TACC2: variants seen among roughly 807,000 people sequenced by gnomAD.
TACC2 encodes transforming acidic coiled-coil containing protein 2.
Under a neutral mutation model 227.3 loss-of-function variants are expected in TACC2, and 137 were observed. The observed-to-expected ratio is 0.60, with a 90% confidence interval of 0.52 to 0.69. TACC2 has a LOEUF of 0.69. Among genes scored for constraint, TACC2 ranks in the 30% least tolerant of loss-of-function variants. The probability of loss-of-function intolerance (pLI) is 0.00; values close to 1 mark genes in which losing one functional copy is unlikely to be tolerated. For synonymous variants in TACC2, 1,523 were observed against 1,487.5 expected (o/e 1.02, Z -0.55); for missense variants, 3,470 against 3,694.4 (o/e 0.94, Z 1.57).
At chr10:122,179,933 A>T (rs532222933) in intron 7 of TACC2, among the ~76,000 whole-genome samples, 2 of 151,862 alleles carry the variant, frequency 1.3e-5, no homozygotes, top group South Asian at 4.1e-4. Context: ...TAAAAAAAAA[A>T]TATAGCCGGG....
Position 122,221,279 on chromosome 10 carries a change from C to T in TACC2, c.7547-3447C>T, listed in dbSNP as rs75681855. On this transcript the variant is annotated intron_variant, in intron 11 of 22. Coordinates refer to ENST00000369005, the MANE Select transcript of TACC2 (RefSeq NM_206862.4). ...CCTTTTTTGGTGCAGTCTTTTAAAGCGTGATGCAGTGGGAGAAAACTTAAC... is the reference window on the plus strand; with the variant it reads ...CCTTTTTTGGTGCAGTCTTTTAAAGTGTGATGCAGTGGGAGAAAACTTAAC... Among the ~76,000 whole-genome samples the T allele has an allele frequency of 9.6e-3, 1,463 of 152,258 alleles. 16 individuals carry two copies. Among genetic ancestry groups the T allele is most frequent in the African/African-American group, 0.034 (1,398 of 41,540 alleles).
At chr10:122,041,824 C>A (rs936838273) in intron 2 of TACC2, among the ~76,000 whole-genome samples, 1 of 152,260 alleles carries the variant, frequency 6.6e-6, no homozygotes, top group African/African-American at 2.4e-5. Flanking sequence ...CCCGGAGGGT[C>A]GGTGCTAGTT....
rs189083842 is a variant in TACC2, at chr10:122,009,911, T to C, written c.-45-12026T>C. Among the ~76,000 whole-genome samples, 201 of 152,136 alleles carry C rather than the reference T, an allele frequency of 1.3e-3. 3 individuals are homozygous for C. The East Asian group carries it at 0.014, about 11-fold the overall frequency. On this transcript the variant is annotated intron_variant, in intron 1 of 22. Coordinates refer to ENST00000369005, the MANE Select transcript of TACC2 (RefSeq NM_206862.4). ...ACTGCACTCCAGCCTGGTGACAGAG[T>C]GAGACTCTGTTTTCAATAAGGTTGC...
intron 5 of TACC2, among the ~76,000 whole-genome samples, chr10:122,111,906 C>A (rs2083678634): frequency 6.7e-6 from 1 of 149,028 alleles, no homozygotes; most frequent in African/African-American, 2.4e-5. Context: ...ACGAGGAAAC[C>A]TGTGATAAGC....
At chr10:122,212,382 C>T (rs1226851235) in intron 9 of TACC2, among the ~76,000 whole-genome samples, 2 of 152,224 alleles carry the variant, frequency 1.3e-5, no homozygotes, top group South Asian at 2.1e-4. Flanking sequence ...GCCATTGGTC[C>T]TTGGCTCTAT....
intron 3 of TACC2, among the ~76,000 whole-genome samples, chr10:122,058,061 C>T (rs867552139): frequency 1.3e-5 from 2 of 152,222 alleles, no homozygotes; most frequent in South Asian, 4.1e-4. Flanking sequence ...CAAGAGACCA[C>T]CCACCATGGA....
chr10:122,122,677 A>G (rs2138474282), intron 5 of TACC2, among the ~76,000 whole-genome samples: 1 of 151,972 alleles, frequency 6.6e-6, no homozygotes, highest in East Asian at 2.0e-4. Flanking sequence ...ATGCTGTGGG[A>G]TTTCCTGGCT....
At position 122,086,438 on chromosome 10, in the gene TACC2, G is replaced by A. The variant is rs578136211; in HGVS notation, c.3938G>A (p.Ser1313Asn). ...CCTGCAGTGCAAGCCAGCAGTGGTAGTCCCAAAGCCAGAACCACTGAGGGA... is the reference window on the plus strand; with the variant it reads ...CCTGCAGTGCAAGCCAGCAGTGGTAATCCCAAAGCCAGAACCACTGAGGGA... ...EIPAVQASSG[S>N]PKARTTEGPV... Residue 1313 changes from serine (S) to asparagine (N), a missense_variant, in exon 4 of 23, where the codon AGT (serine) becomes AAT (asparagine). Physicochemically the swap from Ser to Asn is conservative, Grantham distance 46. Transcript: ENST00000369005. 6.2e-6 allele frequency: 10 copies of A among 1,613,738 alleles called. No homozygotes were observed. The highest frequency in any genetic ancestry group is 8.5e-6 in the Non-Finnish European group (10 of 1,180,036).
At chr10:122,034,406 C>G (rs1375617217) in intron 2 of TACC2, among the ~76,000 whole-genome samples, 1 of 152,054 alleles carries the variant, frequency 6.6e-6, no homozygotes, top group Non-Finnish European at 1.5e-5. Flanking sequence ...ATAATCATCC[C>G]AGGTCATTTG....
intron 3 of TACC2, among the ~76,000 whole-genome samples, chr10:122,070,439 T>C (rs2077903766): frequency 6.6e-6 from 1 of 151,954 alleles, no homozygotes; most frequent in South Asian, 2.1e-4. Flanking sequence ...CAAAATCCTG[T>C]CTCTACAAAG....
At chr10:122,138,168 C>A (rs2090000896) in intron 6 of TACC2, among the ~76,000 whole-genome samples, 1 of 151,968 alleles carries the variant, frequency 6.6e-6, no homozygotes, top group African/African-American at 2.4e-5. Context: ...AGTTCAACCA[C>A]CTCACAAAGG....
chr10:122,172,039 C>A (rs866354600), intron 7 of TACC2, among the ~76,000 whole-genome samples: 1 of 152,160 alleles, frequency 6.6e-6, no homozygotes. Flanking sequence ...TGAGGACCAG[C>A]AAGCCCAGAG....
At chr10:122,220,718 A>T (rs2095507092) in intron 11 of TACC2, among the ~76,000 whole-genome samples, 1 of 152,254 alleles carries the variant, frequency 6.6e-6, no homozygotes, top group African/African-American at 2.4e-5. Context: ...CATATTCACT[A>T]TCATTAATTC....
chr10:122,083,384 C>CG lies in TACC2; in HGVS notation c.885dup (p.Pro296AlafsTer8). ...GACAGAGAAAGAGGCCAAGGGGAGG[C>CG]GCCGCCTCAGTATTTAACAGATGAC... On this transcript the variant is annotated frameshift_variant, in exon 4 of 23. Transcript: ENST00000369005. LOFTEE classifies it high-confidence loss of function. The CG allele has an allele frequency of 7.4e-6, 12 of 1,613,880 alleles. No homozygotes were observed. The highest frequency in any genetic ancestry group is 9.3e-6 in the Non-Finnish European group (11 of 1,180,000).
chr10:122,008,046 C>A (rs1376684098), intron 1 of TACC2, among the ~76,000 whole-genome samples: 1 of 152,114 alleles, frequency 6.6e-6, no homozygotes, highest in East Asian at 1.9e-4. Flanking sequence ...CCTTGGATTT[C>A]CCAGCCTCCA....
chr10:122,045,899 G>A (rs973761577), intron 2 of TACC2, among the ~76,000 whole-genome samples: 1 of 152,222 alleles, frequency 6.6e-6, no homozygotes, highest in Non-Finnish European at 1.5e-5. Flanking sequence ...AGTGGGCCGG[G>A]TGCCATGGCT....
At chr10:122,222,871 A>G (rs1165078936) in intron 11 of TACC2, among the ~76,000 whole-genome samples, 3 of 152,218 alleles carry the variant, frequency 2.0e-5, no homozygotes, top group Non-Finnish European at 4.4e-5. Context: ...GGAAATCGTA[A>G]TGATACCTTA....
At chr10:122,109,773 T>C (rs1021939972) in intron 5 of TACC2, among the ~76,000 whole-genome samples, 33 of 152,344 alleles carry the variant, frequency 2.2e-4, no homozygotes, top group African/African-American at 6.5e-4. Context: ...ATCTGGGTGT[T>C]ATACATAGGG....
intron 9 of TACC2, among the ~76,000 whole-genome samples, chr10:122,214,378 G>A (rs1013945167): frequency 6.6e-6 from 1 of 152,084 alleles, no homozygotes; most frequent in African/African-American, 2.4e-5. Context: ...GCCATTGTTG[G>A]AGTGATTTGA....
Sources: gnomAD v4.1 joint callset for allele counts (sites outside exome capture counted in the v4.1 genomes callset) on GRCh38, gnomAD v4.1.1 for gene constraint, MANE v1.5 for transcripts, NCBI Gene and HGNC (gene_info 2026-07-23, HGNC 2026-07-21) for gene names.